Variants in COL27A1 observed in about 807,000 individuals in gnomAD.
The protein encoded by COL27A1 is collagen alpha-1(XXVII) chain.
Under a neutral mutation model 251.3 loss-of-function variants are expected in COL27A1, and 106 were observed. That is an observed-to-expected ratio of 0.42 (90% CI 0.36 to 0.50). The LOEUF is 0.50. COL27A1 is among the 20% of genes least tolerant of loss of function. The pLI is 0.00. For synonymous variants in COL27A1, 1,000 were observed against 986.3 expected (o/e 1.01, Z -0.26); for missense variants, 2,325 against 2,522.8 (o/e 0.92, Z 1.68).
At chr9:114,197,305 G>C (rs1428078145) in intron 7 of COL27A1, among the ~76,000 whole-genome samples, 2 of 152,126 alleles carry the variant, frequency 1.3e-5, no homozygotes, top group African/African-American at 4.8e-5. Context: ...GACACAGGGG[G>C]CCTTGCAGGA....
In COL27A1 at chr9:114,263,952, G is replaced by A. The variant is rs185356521; in HGVS notation, c.3196-403G>A. On this transcript the variant is annotated intron_variant, in intron 28 of 60. Coordinates refer to ENST00000356083, the MANE Select transcript of COL27A1 (RefSeq NM_032888.4). ...TTCCCCTGAGGGCTGTTTCTGCCCC[G>A]TGTGTGCTCTGGGAATGGCACATGG... Among the ~76,000 whole-genome samples the A allele has an allele frequency of 1.9e-3, 285 of 152,346 alleles. 1 individual carries two copies. The highest frequency in any genetic ancestry group is 3.5e-3 in the Non-Finnish European group (236 of 68,026).
At chr9:114,170,355 G>A (rs1340212335) in intron 3 of COL27A1, among the ~76,000 whole-genome samples, 1 of 152,218 alleles carries the variant, frequency 6.6e-6, no homozygotes, top group East Asian at 1.9e-4. Context: ...CCCACAGCTG[G>A]AGGCCAATTC....
chr9:114,167,951 C>A lies in COL27A1; in HGVS notation c.396C>A (p.Pro132=). The A allele has an allele frequency of 6.2e-7, 1 of 1,608,768 alleles. No homozygotes were observed. The part of the protein sequence containing the change: ...RKLQLGLQFL[P]GKTVVHLGSR... Reference sequence around the variant, plus strand: ...TGCAGCTGGGCCTGCAGTTCCTCCCCGGCAAGACGGTCGTCCACCTCGGGT... The same window carrying A: ...TGCAGCTGGGCCTGCAGTTCCTCCCAGGCAAGACGGTCGTCCACCTCGGGT... Residue 132 remains proline (P), a synonymous_variant, in exon 3 of 61, where the codon CCC becomes CCA. Transcript: ENST00000356083.
chr9:114,223,011 A>G (rs1156484874), intron 14 of COL27A1, among the ~76,000 whole-genome samples: 1 of 152,164 alleles, frequency 6.6e-6, no homozygotes, highest in African/African-American at 2.4e-5. Context: ...AGGCCTATAC[A>G]CGAGGAGGTG....
At chr9:114,263,064 G>A (rs1834466175) in intron 28 of COL27A1, among the ~76,000 whole-genome samples, 1 of 150,994 alleles carries the variant, frequency 6.6e-6, no homozygotes, top group South Asian at 2.1e-4. Context: ...TCAGCCGCCT[G>A]AGTAGCTGGG....
At position 114,248,155 on chromosome 9, in the gene COL27A1, C is replaced by T. The variant is rs1833272803; in HGVS notation, c.2979+2245C>T. ...GGTCTGCTGGGTTCCCAATGCCTGCCTCGAGGGCTGAAAACTCTCCGACCT... is the reference window on the plus strand; with the variant it reads ...GGTCTGCTGGGTTCCCAATGCCTGCTTCGAGGGCTGAAAACTCTCCGACCT... On this transcript the variant is annotated intron_variant, in intron 24 of 60. Coordinates refer to ENST00000356083, the MANE Select transcript of COL27A1 (RefSeq NM_032888.4). Among the ~76,000 whole-genome samples the T allele has an allele frequency of 3.3e-5, 5 of 152,172 alleles. No homozygotes were observed. The South Asian group carries it at 8.3e-4, about 25-fold the overall frequency.
chr9:114,248,413 A>C (rs1490171308), intron 24 of COL27A1, among the ~76,000 whole-genome samples: 1 of 152,256 alleles, frequency 6.6e-6, no homozygotes, highest in East Asian at 1.9e-4. Flanking sequence ...CCGGTAGCAG[A>C]CAATGGCCCT....
At chr9:114,283,611 G>A in intron 39 of COL27A1, 98 bp from the exon 40 acceptor site, 2 of 1,101,804 alleles carry the variant, frequency 1.8e-6, no homozygotes, top group African/African-American at 1.5e-5. Context: ...GATGTGCCAG[G>A]CTGCTGGGCG....
At chr9:114,211,254 C>T (rs1830342688) in intron 12 of COL27A1, among the ~76,000 whole-genome samples, 2 of 152,222 alleles carry the variant, frequency 1.3e-5, no homozygotes, top group South Asian at 4.1e-4. Context: ...TCTGGGGTAG[C>T]TCCTGTCTCC....
chr9:114,310,310 G>C (rs1829360311), intron 60 of COL27A1, among the ~76,000 whole-genome samples: 1 of 152,112 alleles, frequency 6.6e-6, no homozygotes, highest in Non-Finnish European at 1.5e-5. Flanking sequence ...AATCCTTCTA[G>C]AATTTGTTCT....
chr9:114,289,004 C>A (rs1396363975), intron 44 of COL27A1, 37 bp downstream of exon 44: 1 of 1,606,554 alleles, frequency 6.2e-7, no homozygotes, highest in South Asian at 1.1e-5. Flanking sequence ...TGCCTCCCAC[C>A]CTGAGTGGGG....
rs747771422 is a variant in COL27A1, at chr9:114,232,265, C to T, written c.2565+399C>T. ...TCACCCTGGCATGAAATTGGAAACC[C>T]CAGAGAGCGTGCCGACTGGAAATGC... On this transcript the variant is annotated intron_variant, in intron 16 of 60. Coordinates refer to ENST00000356083, the MANE Select transcript of COL27A1 (RefSeq NM_032888.4). Among the ~76,000 whole-genome samples the T allele has an allele frequency of 2.9e-4, 44 of 152,152 alleles. 2 individuals are homozygous for T. The highest frequency in any genetic ancestry group is 9.4e-4 in the African/African-American group (39 of 41,448).
intron 59 of COL27A1, 47 bp downstream of exon 59, chr9:114,307,825 C>T (rs528221646): frequency 1.2e-5 from 17 of 1,409,756 alleles, no homozygotes; most frequent in Non-Finnish European, 1.5e-5. Flanking sequence ...TGCCTCTATC[C>T]CCAGCCTGCC....
rs1410270693 is a variant in COL27A1, at chr9:114,264,346, C to CT, written c.3196-8dup. On this transcript the variant is annotated splice_polypyrimidine_tract_variant and intron_variant, in intron 28 of 60. Transcript: ENST00000356083. ...TGTCCGGTGTGCTAGTCCCTTTTTC[C>CT]TATTCCAGGGCCCCCGAGGACCGGA... 1.9e-6 allele frequency: 3 copies of CT among 1,588,952 alleles called. No individual in the cohort carries two copies. The highest frequency in any genetic ancestry group is 1.7e-6 in the Non-Finnish European group (2 of 1,166,802).
At chr9:114,267,632 G>A (rs1834836646) in intron 34 of COL27A1, 75 bp downstream of exon 34, 1 of 1,332,624 alleles carries the variant, frequency 7.5e-7, no homozygotes, top group African/African-American at 1.5e-5. Flanking sequence ...CCTCTCCATG[G>A]AAGAGAAATG....
chr9:114,301,864 C>A, intron 55 of COL27A1, 147 bp downstream of exon 55: 2 of 928,812 alleles, frequency 2.2e-6, no homozygotes, highest in Non-Finnish European at 1.7e-6. Flanking sequence ...ATAGGGCATC[C>A]CCCGAACATT....
intron 41 of COL27A1, among the ~76,000 whole-genome samples, chr9:114,286,459 A>G (rs1349973745): frequency 2.6e-5 from 4 of 152,096 alleles, no homozygotes; most frequent in Admixed American, 2.0e-4. Flanking sequence ...CCTAACCAAA[A>G]GCAGACCCAA....
intron 58 of COL27A1, chr9:114,307,061 C>A: frequency 4.5e-6 from 1 of 222,498 alleles, no homozygotes; most frequent in South Asian, 6.7e-5. Flanking sequence ...AGCTGCGGAG[C>A]CAGACAGACC....
chr9:114,253,317 AAGAGAGAGGAAGGGAGGGG>A (rs1833681849), intron 27 of COL27A1, among the ~76,000 whole-genome samples: 1 of 149,886 alleles, frequency 6.7e-6, no homozygotes, highest in African/African-American at 2.5e-5. Flanking sequence ...GAAAGAAAGA[AAGAGAGAGGAAGGGAGGGG>A]AGAAAGAAAG....
Sources: allele counts gnomAD v4.1 joint callset (sites outside exome capture counted in the v4.1 genomes callset), GRCh38; gene constraint gnomAD v4.1.1; transcripts MANE v1.5; gene names NCBI Gene and HGNC (gene_info 2026-07-23, HGNC 2026-07-21).